The following BICC1 variants were observed in gnomAD, a reference collection of about 807,000 sequenced individuals.
BICC1 encodes protein bicaudal C homolog 1.
In BICC1, 43 loss-of-function variants were observed where a neutral mutation model predicts 111.0. That is an observed-to-expected ratio of 0.39 (90% CI 0.30 to 0.50). The LOEUF is 0.50. BICC1 is among the 20% of genes least tolerant of loss of function. The pLI is 0.88. For missense variants in BICC1, 1,091 were observed against 1,203.2 expected (o/e 0.91, Z 1.38); for synonymous variants, 467 against 434.4 (o/e 1.07, Z -0.93).
At chr10:58,584,076 A>G (rs1844364080) in intron 1 of BICC1, among the ~76,000 whole-genome samples, 1 of 151,570 alleles carries the variant, frequency 6.6e-6, no homozygotes, top group South Asian at 2.1e-4. Context: ...ACACACACAC[A>G]CACACACACA....
At chr10:58,796,232 C>G in intron 9 of BICC1, 108 bp from the exon 10 acceptor site, 1 of 918,014 alleles carries the variant, frequency 1.1e-6, no homozygotes, top group Non-Finnish European at 1.7e-6. Context: ...GATATGTCCC[C>G]TGAGTGGAAT....
chr10:58,777,587 A>G (rs1171183224), intron 3 of BICC1, among the ~76,000 whole-genome samples: 1 of 152,094 alleles, frequency 6.6e-6, no homozygotes, highest in Non-Finnish European at 1.5e-5. Flanking sequence ...TGTAGCGATG[A>G]GGGCACCTGC....
chr10:58,798,982 T>C, intron 11 of BICC1, 74 bp from the exon 12 acceptor site: 3 of 1,175,418 alleles, frequency 2.6e-6, no homozygotes, highest in Non-Finnish European at 2.4e-6. Context: ...AAAATGATAT[T>C]TTTATTGTTA....
intron 2 of BICC1, among the ~76,000 whole-genome samples, chr10:58,682,372 G>C (rs939032343): frequency 2.0e-5 from 3 of 151,522 alleles, no homozygotes; most frequent in East Asian, 3.9e-4. Context: ...TATTCCTTTG[G>C]GTATATACCT....
rs1367936690 is a variant in BICC1 at position 58,688,470 on chromosome 10, GT to G, written c.238-13603del. Among the ~76,000 whole-genome samples the G allele has an allele frequency of 5.3e-5, 8 of 152,088 alleles. No individual in the cohort carries two copies. The Middle Eastern group carries it at 0.01, about 194-fold the overall frequency. ...CCAGCTAGACAGAAAATTTCTCCAAGTCCCCCCCTGACCCAGAAGCCCAGCC... is the reference window on the plus strand; with the variant it reads ...CCAGCTAGACAGAAAATTTCTCCAAGCCCCCCCTGACCCAGAAGCCCAGCC... On this transcript the variant is annotated intron_variant, in intron 2 of 20. Coordinates refer to ENST00000373886, the MANE Select transcript of BICC1 (RefSeq NM_001080512.3).
intron 15 of BICC1, among the ~76,000 whole-genome samples, chr10:58,804,915 G>A (rs1032671991): frequency 6.6e-6 from 1 of 152,120 alleles, no homozygotes; most frequent in Non-Finnish European, 1.5e-5. Context: ...ATTGCTCTTG[G>A]AGTGCTATAT....
At chr10:58,617,359 T>G (rs1032961418) in intron 1 of BICC1, among the ~76,000 whole-genome samples, 7 of 151,758 alleles carry the variant, frequency 4.6e-5, no homozygotes, top group Non-Finnish European at 7.4e-5. Context: ...TACAAGTCCC[T>G]TAGCAGCAGA....
intron 1 of BICC1, among the ~76,000 whole-genome samples, chr10:58,564,661 C>A (rs752243371): frequency 6.6e-6 from 1 of 152,158 alleles, no homozygotes; most frequent in Non-Finnish European, 1.5e-5. Flanking sequence ...GAATCACTGG[C>A]CTTTCAATTA....
At chr10:58,522,196 A>T (rs559147478) in intron 1 of BICC1, among the ~76,000 whole-genome samples, 1 of 152,072 alleles carries the variant, frequency 6.6e-6, no homozygotes, top group South Asian at 2.1e-4. Context: ...TAGGCTCACA[A>T]TGCATTTGGT....
intron 2 of BICC1, among the ~76,000 whole-genome samples, chr10:58,645,115 A>G (rs563724115): frequency 6.6e-6 from 1 of 152,272 alleles, no homozygotes; most frequent in East Asian, 1.9e-4. Flanking sequence ...TATGTTTTAA[A>G]GAGGGAAAAG....
intron 2 of BICC1, among the ~76,000 whole-genome samples, chr10:58,692,447 C>G (rs1424441099): frequency 6.6e-6 from 1 of 152,134 alleles, no homozygotes; most frequent in Non-Finnish European, 1.5e-5. Context: ...TTTCATCAAT[C>G]AATGGGAACA....
chr10:58,648,193 C>T (rs991071912), intron 2 of BICC1, among the ~76,000 whole-genome samples: 7 of 152,186 alleles, frequency 4.6e-5, no homozygotes, highest in African/African-American at 1.4e-4. Context: ...CTGTCTCCTC[C>T]GGTAGAGCAT....
chr10:58,514,892 C>T (rs1236875671), intron 1 of BICC1, among the ~76,000 whole-genome samples: 2 of 152,096 alleles, frequency 1.3e-5, no homozygotes, highest in Non-Finnish European at 2.9e-5. Flanking sequence ...ATTGTGAGAT[C>T]GTTTGGAATG....
chr10:58,512,629 G>C (rs1249777587), upstream of BICC1, among the ~76,000 whole-genome samples: 2 of 152,066 alleles, frequency 1.3e-5, no homozygotes, highest in Non-Finnish European at 1.5e-5. Context: ...GCGTTCAGGA[G>C]TGTGTGTGTT....
intron 3 of BICC1, among the ~76,000 whole-genome samples, chr10:58,719,576 G>A (rs1213942320): frequency 1.3e-5 from 2 of 151,938 alleles, no homozygotes; most frequent in East Asian, 1.9e-4. Context: ...GCGGGATCTC[G>A]GCTCACTGCA....
chr10:58,812,482 CTT>C (rs113293082), intron 17 of BICC1, among the ~76,000 whole-genome samples: 21 of 141,964 alleles, frequency 1.5e-4, no homozygotes, highest in Non-Finnish European at 1.2e-4. Flanking sequence ...CTTTTCTTTT[CTT>C]TTTTTTTTTT....
At chr10:58,569,426 T>C (rs2577391) in intron 1 of BICC1, among the ~76,000 whole-genome samples, 69,459 of 151,910 alleles carry the variant, frequency 0.46, 16,950 homozygotes, top group Admixed American at 0.62. Context: ...AGTTCTGAGA[T>C]ACATGTGCAG....
intron 1 of BICC1, among the ~76,000 whole-genome samples, chr10:58,564,336 T>C (rs1424742409): frequency 1.3e-5 from 2 of 152,196 alleles, no homozygotes; most frequent in East Asian, 3.9e-4. Context: ...GATCATGGTG[T>C]CTGAACCAGT....
chr10:58,795,101 A>G (rs1466779079), intron 9 of BICC1, among the ~76,000 whole-genome samples: 5 of 152,360 alleles, frequency 3.3e-5, no homozygotes, highest in South Asian at 2.1e-4. Context: ...AAAGTAAACA[A>G]GGGAGATGTT....
Sources: allele counts gnomAD v4.1 joint callset (sites outside exome capture counted in the v4.1 genomes callset), GRCh38; gene constraint gnomAD v4.1.1; transcripts MANE v1.5; gene names NCBI Gene and HGNC (gene_info 2026-07-23, HGNC 2026-07-21).